BEGAIN: variants seen among roughly 807,000 people sequenced by gnomAD.
BEGAIN encodes the protein brain-enriched guanylate kinase-associated protein.
In BEGAIN, 19 loss-of-function variants were observed where a neutral mutation model predicts 35.8. The ratio of observed to expected loss-of-function variants is 0.53; its 90% CI spans 0.37 to 0.78. The LOEUF is 0.78. Among genes scored for constraint, BEGAIN ranks in the 30% least tolerant of loss-of-function variants. The pLI is 0.00. For synonymous variants in BEGAIN, 462 were observed against 388.6 expected, an observed-to-expected ratio of 1.19 and a Z score of -2.22; for missense variants, 795 against 853.6, an observed-to-expected ratio of 0.93 and a Z score of 0.85.
At position 100,584,809 on chromosome 14, in the gene BEGAIN, C is replaced by T. The variant is rs1229181493; in HGVS notation, c.42+2440G>A. ...CTGCAGACCTCCGTCCAGGCCTCTC[C>T]ACTAAGGCTAGCGACCAGCTCTGCG... is the stretch of plus-strand genomic sequence containing the variant. On this transcript the variant is annotated intron_variant, in intron 1 of 6. Transcript: ENST00000554140. Among the ~76,000 whole-genome samples, 5 of 152,110 alleles carry T rather than the reference C, an allele frequency of 3.3e-5. No individual in the cohort carries two copies. In the East Asian group the frequency reaches 9.6e-4, roughly 29 times the overall value.
intron 1 of BEGAIN, among the ~76,000 whole-genome samples, chr14:100,571,501 TC>T (rs2035080620): frequency 6.6e-6 from 1 of 152,212 alleles, no homozygotes; most frequent in African/African-American, 2.4e-5. Flanking sequence ...CATTGAAGTG[TC>T]ACAGCAGCTT....
At chr14:100,555,577 T>C (rs1251478141) in intron 2 of BEGAIN, among the ~76,000 whole-genome samples, 6 of 152,212 alleles carry the variant, frequency 3.9e-5, no homozygotes, top group Non-Finnish European at 7.3e-5. Flanking sequence ...GGAAACAGGT[T>C]CACAGCGCTC....
chr14:100,551,899 C>T (rs2033240421), intron 2 of BEGAIN, among the ~76,000 whole-genome samples: 1 of 152,144 alleles, frequency 6.6e-6, no homozygotes, highest in African/African-American at 2.4e-5. Context: ...GTGGGCTTGG[C>T]CTCTGGCTGG....
chr14:100,562,669 C>T (rs1443624290), intron 2 of BEGAIN, among the ~76,000 whole-genome samples: 2 of 151,996 alleles, frequency 1.3e-5, no homozygotes, highest in East Asian at 3.9e-4. Context: ...TCCTGCAGGC[C>T]ACCGGTACAC....
Position 100,568,615 on chromosome 14 carries a change from G to T in BEGAIN, c.43-676C>A. 5 of 980,188 alleles carry T rather than the reference G, an allele frequency of 5.1e-6. No individual in the cohort carries two copies. The highest frequency in any genetic ancestry group is 6.7e-6 in the Non-Finnish European group (5 of 743,074). 60.7% of individuals were successfully genotyped at this position (980,188 alleles called of 1,614,324 possible). On this transcript the variant is annotated intron_variant, in intron 1 of 6. Coordinates refer to ENST00000554140, the MANE Select transcript of BEGAIN (RefSeq NM_001385089.1). The surrounding 1 kb of genome is among the most constrained non-coding windows in gnomAD (Gnocchi z 7.5). Reference sequence around the variant, plus strand: ...GCCTTGCTTGCGCAGACCCGCCCGCGCGCGGCTTGGAGACCCTCCCTGCCC... The same window carrying T: ...GCCTTGCTTGCGCAGACCCGCCCGCTCGCGGCTTGGAGACCCTCCCTGCCC...
At chr14:100,559,624 A>C (rs2034060999) in intron 2 of BEGAIN, among the ~76,000 whole-genome samples, 1 of 152,244 alleles carries the variant, frequency 6.6e-6, no homozygotes. Context: ...AGATGTGGGC[A>C]AACTTATTAA....
chr14:100,577,913 G>A (rs2035237066), intron 1 of BEGAIN: 1 of 399,242 alleles, frequency 2.5e-6, no homozygotes, highest in East Asian at 3.6e-5. Flanking sequence ...GGACAGGTAG[G>A]GTTAGAGCCC....
intron 1 of BEGAIN, among the ~76,000 whole-genome samples, chr14:100,583,888 G>A (rs1204922248): frequency 6.6e-6 from 1 of 151,680 alleles, no homozygotes; most frequent in African/African-American, 2.4e-5. Flanking sequence ...TTATAGAGAC[G>A]GGGTTTCACC....
At chr14:100,553,489 C>T (rs541286327) in intron 2 of BEGAIN, among the ~76,000 whole-genome samples, 1 of 152,266 alleles carries the variant, frequency 6.6e-6, no homozygotes, top group East Asian at 1.9e-4. Flanking sequence ...GGCCTGATGC[C>T]TCTTCTCGCC....
In BEGAIN at chr14:100,547,376, A is replaced by G. The variant is rs562471851; in HGVS notation, c.72-714T>C. Reference sequence around the variant, plus strand: ...AAACCCAGACAATTCTTGAGGCTCTATTTTCTTCCCCCAGAATGGGGTCTC... The same window carrying G: ...AAACCCAGACAATTCTTGAGGCTCTGTTTTCTTCCCCCAGAATGGGGTCTC... On this transcript the variant is annotated intron_variant, in intron 2 of 6. Coordinates refer to ENST00000554140, the MANE Select transcript of BEGAIN (RefSeq NM_001385089.1). The G allele has an allele frequency of 7.2e-5, 11 of 152,244 alleles. No individual in the cohort carries two copies. In the East Asian group the frequency reaches 1.6e-3, roughly 21 times the overall value. The allele number at this position is 152,244 out of a possible 1,614,324, so 9.4% of individuals were successfully genotyped here.
At chr14:100,555,045 T>C (rs2033575311) in intron 2 of BEGAIN, among the ~76,000 whole-genome samples, 1 of 152,202 alleles carries the variant, frequency 6.6e-6, no homozygotes. Context: ...TGGGAGAAGG[T>C]CTTTGTCCCC....
chr14:100,551,928 G>A (rs954168107), intron 2 of BEGAIN, among the ~76,000 whole-genome samples: 5 of 152,144 alleles, frequency 3.3e-5, no homozygotes, highest in East Asian at 1.9e-4. Context: ...TTGGAATTCC[G>A]GTCCCAGGTC....
rs528126699 is a variant in BEGAIN, at chr14:100,567,095, G to A, written c.71+816C>T. On this transcript the variant is annotated intron_variant, in intron 2 of 6. Transcript: ENST00000554140. This position sits in a 1 kb window ranked among gnomAD's most constrained non-coding sequence, Gnocchi z 5.1. Reference sequence around the variant, plus strand: ...CGAGGACGGAGACCCTGTGGGCCAGGGGAGACAGTGCTGAAACCCAGCAGC... The same window carrying A: ...CGAGGACGGAGACCCTGTGGGCCAGAGGAGACAGTGCTGAAACCCAGCAGC... Among the ~76,000 whole-genome samples, 2 of 152,170 alleles carry A rather than the reference G, an allele frequency of 1.3e-5. No homozygotes were observed. The highest frequency in any genetic ancestry group is 1.5e-5 in the Non-Finnish European group (1 of 68,012).
rs1191232901 is a variant in BEGAIN at position 100,539,120 on chromosome 14, C to T, written c.688G>A (p.Asp230Asn). ...CGCGGGCCTGGTTTCTCCACCCCGT[C>T]GCAGAAGGCCAGGTCGCGGGCGGAG... is the stretch of plus-strand genomic sequence containing the variant. ...DASARDLAFCDGVEKPGPRPP... is the reference protein window; with the variant it reads ...DASARDLAFCNGVEKPGPRPP... The change falls in exon 7 of 7, where the codon GAC (aspartate) becomes AAC (asparagine). Residue 230 changes from aspartate (D) to asparagine (N), a missense_variant. Transcript: ENST00000554140. 1.4e-5 allele frequency: 22 copies of T among 1,606,806 alleles called. No homozygotes were observed. Among genetic ancestry groups the T allele is most frequent in the Admixed American group, 1.7e-5 (1 of 59,542 alleles).
At position 100,538,201 on chromosome 14, in the gene BEGAIN, T is replaced by C. The variant is rs2140419720; in HGVS notation, c.1607A>G (p.Glu536Gly). Residue 536 changes from glutamate (E) to glycine (G), a missense_variant, in exon 7 of 7, where the codon GAG becomes GGG. Glu to Gly is a moderately conservative substitution (Grantham distance 98). Around this residue, in one of 3 missense-constraint regions of BEGAIN, gnomAD observed 664 missense variants for 647.7 expected, o/e 1.03. Coordinates refer to ENST00000554140, the MANE Select transcript of BEGAIN (RefSeq NM_001385089.1). ...CCCGAGCCTGTCCCCGTCCCCCCCC[T>C]CGCTGGGTGCATAGCCGGGCAGTGG... ...ADPLPGYAPS[E>G]GGDGDRLGVQ... The C allele has an allele frequency of 6.4e-7, 1 of 1,551,768 alleles. No individual in the cohort carries two copies.
intron 6 of BEGAIN, among the ~76,000 whole-genome samples, chr14:100,539,810 A>G (rs1170891807): frequency 1.3e-5 from 2 of 152,154 alleles, no homozygotes; most frequent in African/African-American, 4.8e-5. Flanking sequence ...CAGATGCAAC[A>G]AAGATTGAGG....
chr14:100,546,794 A>G lies in BEGAIN; in HGVS notation c.72-132T>C, dbSNP rs1219480011. 2,241 of 618,368 alleles carry G rather than the reference A, an allele frequency of 3.6e-3. 50 individuals are homozygous for G. The East Asian group carries it at 0.069, about 19-fold the overall frequency. The allele number at this position is 618,368 out of a possible 1,614,324, so 38.3% of individuals were successfully genotyped here. A position where few individuals can be genotyped will look rare whatever the true frequency, so the allele number is the denominator to read the frequency against. On this transcript the variant is annotated intron_variant, in intron 2 of 6. Transcript: ENST00000554140. ...CGCGCGCGCGCGCACACACACACAC[A>G]CACACACACACACACACACTCACAC...
At position 100,567,782 on chromosome 14, in the gene BEGAIN, A is replaced by G. The variant is rs2034830957; in HGVS notation, c.71+129T>C. ...CACCACACACACGCACCTGGCCCGCAGCCCCGCCGAGGCCGCCCGCGGGCC... is the reference window on the plus strand; with the variant it reads ...CACCACACACACGCACCTGGCCCGCGGCCCCGCCGAGGCCGCCCGCGGGCC... On this transcript the variant is annotated intron_variant, in intron 2 of 6. Coordinates refer to ENST00000554140, the MANE Select transcript of BEGAIN (RefSeq NM_001385089.1). This position sits in a 1 kb window ranked among gnomAD's most constrained non-coding sequence, Gnocchi z 5.1. 4.4e-6 allele frequency: 4 copies of G among 918,958 alleles called. No individual in the cohort carries two copies. Among genetic ancestry groups the G allele is most frequent in the Non-Finnish European group, 5.8e-6 (4 of 684,162 alleles). The allele number at this position is 918,958 out of a possible 1,614,324, so 56.9% of individuals were successfully genotyped here.
chr14:100,567,353 G>A lies in BEGAIN; in HGVS notation c.71+558C>T, dbSNP rs1399409577. On this transcript the variant is annotated intron_variant, in intron 2 of 6. Transcript: ENST00000554140. The surrounding 1 kb of genome is among the most constrained non-coding windows in gnomAD (Gnocchi z 5.1). ...CGGGGGACACTCCCCAGAAGCTGTC[G>A]CGGGATTCCCCCAAAATGGCTCCAA... is the stretch of plus-strand genomic sequence containing the variant. 1.3e-5 allele frequency among the ~76,000 whole-genome samples: 2 copies of A among 152,192 alleles called. No individual in the cohort carries two copies. Among genetic ancestry groups the A allele is most frequent in the Non-Finnish European group, 2.9e-5 (2 of 68,020 alleles).
Sources: allele counts gnomAD v4.1 joint callset (sites outside exome capture counted in the v4.1 genomes callset), GRCh38; gene constraint gnomAD v4.1.1; regional missense constraint gnomAD v4.1.1; non-coding constraint Gnocchi (gnomAD v3.1); transcripts MANE v1.5; gene names NCBI Gene and HGNC (gene_info 2026-07-23, HGNC 2026-07-21).